The following NUDCD1 variants were observed in gnomAD, a reference collection of about 807,000 sequenced individuals.
The protein encoded by NUDCD1 is NudC domain containing 1.
Under a neutral mutation model 67.8 loss-of-function variants are expected in NUDCD1, and 60 were observed. The ratio of observed to expected loss-of-function variants is 0.88; its 90% CI spans 0.72 to 1.10. The LOEUF (loss-of-function observed/expected upper bound fraction) is 1.10. Ranked by LOEUF, NUDCD1 falls within the 50% of genes least tolerant of loss-of-function variation. The pLI is 0.00. For synonymous variants in NUDCD1, 244 were observed against 230.8 expected, an observed-to-expected ratio of 1.06 and a Z score of -0.52; for missense variants, 643 against 695.0, an observed-to-expected ratio of 0.93 and a Z score of 0.84.
rs143018508 is a variant in NUDCD1, at chr8:109,303,843, C to T, written c.274-7274G>A. On this transcript the variant is annotated intron_variant, in intron 2 of 9. Coordinates refer to ENST00000239690, the MANE Select transcript of NUDCD1 (RefSeq NM_032869.4). ...AAAATGATTAAAGCCTGTTATCACTCGCCTGCTACAGCATGGCCTTTTAAA... is the reference window on the plus strand; with the variant it reads ...AAAATGATTAAAGCCTGTTATCACTTGCCTGCTACAGCATGGCCTTTTAAA... Among the ~76,000 whole-genome samples, 497 of 152,254 alleles carry T rather than the reference C, an allele frequency of 3.3e-3. 3 individuals are homozygous for T. The highest frequency in any genetic ancestry group is 0.01 in the African/African-American group (434 of 41,548).
intron 8 of NUDCD1, among the ~76,000 whole-genome samples, chr8:109,270,149 C>T (rs1348501239): frequency 6.9e-6 from 1 of 145,408 alleles, no homozygotes; most frequent in East Asian, 2.0e-4. Context: ...AAAACAAATT[C>T]CAGATGAATT....
chr8:109,269,825 A>G (rs1468965059), intron 8 of NUDCD1, among the ~76,000 whole-genome samples: 1 of 151,686 alleles, frequency 6.6e-6, no homozygotes, highest in African/African-American at 2.4e-5. Flanking sequence ...ACAGCTCTAA[A>G]TTAGCCACTG....
intron 6 of NUDCD1, among the ~76,000 whole-genome samples, chr8:109,280,160 T>G (rs1332536764): frequency 6.6e-6 from 1 of 152,214 alleles, no homozygotes; most frequent in African/African-American, 2.4e-5. Flanking sequence ...ATTAATTGTC[T>G]AAAATGATGG....
chr8:109,305,156 G>C (rs1240002769), intron 2 of NUDCD1, among the ~76,000 whole-genome samples: 2 of 152,090 alleles, frequency 1.3e-5, no homozygotes, highest in African/African-American at 4.8e-5. Flanking sequence ...CATCAAGCTT[G>C]GGAATTTGTC....
rs777460636 is a variant in NUDCD1 at position 109,281,012 on chromosome 8, A to G, written c.984T>C (p.Ser328=). The change falls in exon 6 of 10, where the codon TCT becomes TCC. Residue 328 remains serine, a synonymous_variant. Transcript: ENST00000239690. The part of the protein sequence containing the change: ...HQFLEGKLYS[S]IDHESSTWII... ...TCCATGTACTGCTTTCATGATCAAT[A>G]GATGAATAGAGTTTTCCTTCTAAAA... 8.1e-6 allele frequency: 13 copies of G among 1,609,362 alleles called. No individual in the cohort carries two copies. In the African/African-American group the frequency reaches 1.1e-4, roughly 13 times the overall value.
Position 109,248,714 on chromosome 8 carries a change from G to GAA in NUDCD1, c.1300-3235_1300-3234dup, listed in dbSNP as rs78072773. 7.5e-3 allele frequency among the ~76,000 whole-genome samples: 749 copies of GAA among 99,958 alleles called. 8 individuals carry two copies. Among genetic ancestry groups the GAA allele is most frequent in the South Asian group, 0.046 (160 of 3,446 alleles). The allele number at this position is 99,958 out of a possible 152,430, so 65.6% of individuals were successfully genotyped here. On this transcript the variant is annotated intron_variant, in intron 8 of 9. Coordinates refer to ENST00000239690, the MANE Select transcript of NUDCD1 (RefSeq NM_032869.4). ...TCCCTCTATAGCTTTCCACTGTTTGGAAAAAAAAAAAAAAAAAAGGTCCAC... is the reference window on the plus strand; with the variant it reads ...TCCCTCTATAGCTTTCCACTGTTTGGAAAAAAAAAAAAAAAAAAAAGGTCCAC...
At chr8:109,300,435 C>T (rs1211897648) in intron 2 of NUDCD1, among the ~76,000 whole-genome samples, 1 of 152,066 alleles carries the variant, frequency 6.6e-6, no homozygotes, top group African/African-American at 2.4e-5. Context: ...AATGGACACA[C>T]TTACAGAAAT....
At chr8:109,312,298 C>CAAAAA (rs5893951) in intron 2 of NUDCD1, among the ~76,000 whole-genome samples, 6 of 82,580 alleles carry the variant, frequency 7.3e-5, no homozygotes, top group Middle Eastern at 9.3e-3. Context: ...GAGACACTGT[C>CAAAAA]AAAAAAAAAA....
chr8:109,243,162 T>C lies in NUDCD1; in HGVS notation c.1599A>G (p.Arg533=). The change falls in exon 10 of 10, where the codon AGA becomes AGG. Residue 533 remains arginine, a synonymous_variant. Transcript: ENST00000239690. Reference sequence around the variant, plus strand: ...CCTGTCCTACTTGCCTGCCTTCCTTTCTGTTGTAAAGTACAGTGGACATGG... The same window carrying C: ...CCTGTCCTACTTGCCTGCCTTCCTTCCTGTTGTAAAGTACAGTGGACATGG... ...PAPMSTVLYN[R]KEGRQVGQVA... 6.2e-7 allele frequency: 1 copy of C among 1,613,950 alleles called. No individual in the cohort carries two copies. The highest frequency in any genetic ancestry group is 8.5e-7 in the Non-Finnish European group (1 of 1,179,860).
intron 6 of NUDCD1, among the ~76,000 whole-genome samples, chr8:109,277,846 T>C (rs1207562964): frequency 6.6e-6 from 1 of 152,196 alleles, no homozygotes; most frequent in Non-Finnish European, 1.5e-5. Flanking sequence ...CACATAAACA[T>C]AATTAAATGG....
intron 1 of NUDCD1, among the ~76,000 whole-genome samples, chr8:109,328,232 G>A (rs2926248): frequency 6.6e-6 from 1 of 152,184 alleles, no homozygotes; most frequent in Non-Finnish European, 1.5e-5. Flanking sequence ...GTGAGGTATA[G>A]TCAACTCTAC....
At chr8:109,259,501 AG>A (rs1813817867) in intron 8 of NUDCD1, among the ~76,000 whole-genome samples, 1 of 152,190 alleles carries the variant, frequency 6.6e-6, no homozygotes, top group African/African-American at 2.4e-5. Flanking sequence ...GGCTCCCTGG[AG>A]GAGAAAAATG....
rs1318439776 is a variant in NUDCD1 at position 109,241,458 on chromosome 8, T to C, written c.*1551A>G. 6 of 152,174 alleles carry C rather than the reference T, an allele frequency of 3.9e-5. No homozygotes were observed. The highest frequency in any genetic ancestry group is 8.8e-5 in the Non-Finnish European group (6 of 68,016). The allele number at this position is 152,174 out of a possible 1,614,324, so 9.4% of individuals were successfully genotyped here. A position where few individuals can be genotyped will look rare whatever the true frequency, so the allele number is the denominator to read the frequency against. ...GAAGTTTTACAACAATACTAAAAAG[T>C]TCTGGAAATATCACTGTTTTGGTTT... On this transcript the variant is annotated 3_prime_UTR_variant, in exon 10 of 10. Coordinates refer to ENST00000239690, the MANE Select transcript of NUDCD1 (RefSeq NM_032869.4).
intron 1 of NUDCD1, among the ~76,000 whole-genome samples, chr8:109,325,288 G>A (rs1040025258): frequency 5.3e-5 from 8 of 152,050 alleles, no homozygotes; most frequent in African/African-American, 1.9e-4. Flanking sequence ...GCACAGTTGG[G>A]TGACTACAGT....
intron 1 of NUDCD1, among the ~76,000 whole-genome samples, chr8:109,323,146 T>C (rs1012138490): frequency 6.6e-6 from 1 of 152,160 alleles, no homozygotes; most frequent in African/African-American, 2.4e-5. Context: ...ATGGAAACTT[T>C]CATGGCTCAG....
intron 2 of NUDCD1, among the ~76,000 whole-genome samples, chr8:109,299,943 C>T (rs1814942907): frequency 6.6e-6 from 1 of 152,164 alleles, no homozygotes; most frequent in African/African-American, 2.4e-5. Flanking sequence ...GTGCAGACAA[C>T]CCCAGTACCA....
chr8:109,309,181 C>A (rs1218234783), intron 2 of NUDCD1, among the ~76,000 whole-genome samples: 1 of 151,392 alleles, frequency 6.6e-6, no homozygotes, highest in Non-Finnish European at 1.5e-5. Flanking sequence ...AGAGAGATAT[C>A]CTTGATGAAC....
At chr8:109,326,286 A>G (rs1815680588) in intron 1 of NUDCD1, among the ~76,000 whole-genome samples, 1 of 152,214 alleles carries the variant, frequency 6.6e-6, no homozygotes, top group Non-Finnish European at 1.5e-5. Flanking sequence ...GCTATTTTGT[A>G]AAATCTCTAT....
At chr8:109,249,297 G>A (rs1813570330) in intron 8 of NUDCD1, among the ~76,000 whole-genome samples, 1 of 152,126 alleles carries the variant, frequency 6.6e-6, no homozygotes, top group African/African-American at 2.4e-5. Context: ...ATTTTGTTTT[G>A]TATATTAATG....
Sources: gnomAD v4.1 joint callset for allele counts (sites outside exome capture counted in the v4.1 genomes callset) on GRCh38, gnomAD v4.1.1 for gene constraint, MANE v1.5 for transcripts, NCBI Gene and HGNC (gene_info 2026-07-23, HGNC 2026-07-21) for gene names.